Variants in IDE observed in about 807,000 individuals in gnomAD.
IDE encodes insulin-degrading enzyme.
In IDE, 58 loss-of-function variants were observed where a neutral mutation model predicts 133.2. That is an observed-to-expected ratio of 0.44 (90% confidence interval 0.35 to 0.54). The LOEUF (loss-of-function observed/expected upper bound fraction) is 0.54. Ranked by LOEUF, IDE falls within the 20% of genes least tolerant of loss-of-function variation. The pLI is 0.00. For missense variants in IDE, 981 were observed against 1,234.0 expected (o/e 0.79, Z 3.07); for synonymous variants, 396 against 421.3 (o/e 0.94, Z 0.73).
intron 1 of IDE, among the ~76,000 whole-genome samples, chr10:92,572,510 ACT>A (rs996634766): frequency 1.3e-5 from 2 of 151,748 alleles, no homozygotes; most frequent in African/African-American, 4.8e-5. Flanking sequence ...CTGCCTTAGG[ACT>A]CTCTCCACTT....
At chr10:92,488,650 A>C (rs1299839131) in intron 12 of IDE, among the ~76,000 whole-genome samples, 3 of 151,884 alleles carry the variant, frequency 2.0e-5, no homozygotes, top group Non-Finnish European at 4.4e-5. Flanking sequence ...GGTGGTGTGC[A>C]CCTGTAATCT....
At chr10:92,519,431 G>C (rs1849098723) in intron 4 of IDE, among the ~76,000 whole-genome samples, 1 of 152,160 alleles carries the variant, frequency 6.6e-6, no homozygotes, top group East Asian at 1.9e-4. Context: ...GTTGCATCCA[G>C]GTGAGCTCCA....
At chr10:92,561,325 T>C (rs1216370951) in intron 1 of IDE, among the ~76,000 whole-genome samples, 2 of 152,122 alleles carry the variant, frequency 1.3e-5, no homozygotes, top group Non-Finnish European at 1.5e-5. Context: ...CTGTCTAAAG[T>C]AGACTTCCTA....
At chr10:92,515,088 G>C in intron 4 of IDE, 46 bp from the exon 5 acceptor site, 1 of 1,498,352 alleles carries the variant, frequency 6.7e-7, no homozygotes, top group Non-Finnish European at 9.1e-7. Flanking sequence ...AAAATATGTG[G>C]ACTTTTAAAG....
intron 4 of IDE, among the ~76,000 whole-genome samples, chr10:92,521,888 T>C (rs11187042): frequency 0.073 from 11,040 of 152,110 alleles, 1,341 homozygotes; most frequent in African/African-American, 0.25. Flanking sequence ...TGCTATGTTT[T>C]AGAGATATAT....
intron 11 of IDE, among the ~76,000 whole-genome samples, chr10:92,491,240 TAAA>T (rs879942324): frequency 7.2e-6 from 1 of 139,062 alleles, no homozygotes; most frequent in African/African-American, 2.6e-5. Context: ...CTTGTCTCTT[TAAA>T]AAAAAAAAAA....
chr10:92,481,014 AAAATCT>A, intron 14 of IDE: 1 of 426,140 alleles, frequency 2.3e-6, no homozygotes, highest in Non-Finnish European at 3.1e-6. Flanking sequence ...CTCCAACTGG[AAAATCT>A]GAATAAATGT....
rs1844860584 is a variant in IDE, at chr10:92,453,982, T to C, written c.*462A>G. The C allele has an allele frequency of 6.5e-6, 1 of 152,930 alleles. No homozygotes were observed. Among genetic ancestry groups the C allele is most frequent in the Admixed American group, 6.5e-5 (1 of 15,406 alleles). 9.5% of individuals were successfully genotyped at this position (152,930 alleles called of 1,614,324 possible). On this transcript the variant is annotated 3_prime_UTR_variant, in exon 25 of 25. Coordinates refer to ENST00000265986, the MANE Select transcript of IDE (RefSeq NM_004969.4). ...CCAAATGTAATGTTTTCCACTGATTTACATGAAACCATCAAGTAGAAAGCA... is the reference window on the plus strand; with the variant it reads ...CCAAATGTAATGTTTTCCACTGATTCACATGAAACCATCAAGTAGAAAGCA...
chr10:92,514,814 G>A, intron 5 of IDE, 106 bp downstream of exon 5: 3 of 834,120 alleles, frequency 3.6e-6, no homozygotes, highest in South Asian at 2.4e-5. Context: ...AAAAGATGCT[G>A]AGCAAATAAG....
In IDE at chr10:92,498,659, A is replaced by C. The variant is rs532952104; in HGVS notation, c.1430+6135T>G. Among the ~76,000 whole-genome samples, 14 of 152,328 alleles carry C rather than the reference A, an allele frequency of 9.2e-5. No individual in the cohort carries two copies. In the East Asian group the frequency reaches 1.5e-3, roughly 17 times the overall value. On this transcript the variant is annotated intron_variant, in intron 11 of 24. Transcript: ENST00000265986. ...GTAATCCCAGCTACTCGGGAGGCTGAGGCAGGAGAATTGTCTGAACCCGGG... is the reference window on the plus strand; with the variant it reads ...GTAATCCCAGCTACTCGGGAGGCTGCGGCAGGAGAATTGTCTGAACCCGGG...
chr10:92,515,183 T>C (rs1848836972), intron 4 of IDE, 141 bp from the exon 5 acceptor site: 1 of 656,866 alleles, frequency 1.5e-6, no homozygotes, highest in South Asian at 2.2e-5. Flanking sequence ...TATTTGAATG[T>C]TAAGTGAATA....
intron 1 of IDE, chr10:92,572,969 TC>T: frequency 1.0e-6 from 1 of 985,306 alleles, no homozygotes; most frequent in South Asian, 4.7e-5. Context: ...AAGTCAAAGT[TC>T]CTTGGAAGGC....
At chr10:92,555,327 A>G (rs936083225) in intron 1 of IDE, among the ~76,000 whole-genome samples, 3 of 151,980 alleles carry the variant, frequency 2.0e-5, no homozygotes, top group Admixed American at 6.6e-5. Flanking sequence ...GTGAAATCCC[A>G]TCTCTACTAA....
chr10:92,518,255 C>G (rs1006055616), intron 4 of IDE, among the ~76,000 whole-genome samples: 7 of 152,136 alleles, frequency 4.6e-5, no homozygotes, highest in African/African-American at 1.7e-4. Flanking sequence ...ACCTCCACCT[C>G]CAAGATTCAA....
At position 92,514,883 on chromosome 10, in the gene IDE, A is replaced by G. The variant is rs1321758106; in HGVS notation, c.784+37T>C. 3.2e-6 allele frequency: 5 copies of G among 1,568,110 alleles called. No homozygotes were observed. The African/African-American group carries it at 6.8e-5, about 21-fold the overall frequency. On this transcript the variant is annotated intron_variant, in intron 5 of 24. Coordinates refer to ENST00000265986, the MANE Select transcript of IDE (RefSeq NM_004969.4). Reference sequence around the variant, plus strand: ...GAAAAAGCCAACATTAAAAACTTATATTATCCAATTCTATAAAAAATTGTA... The same window carrying G: ...GAAAAAGCCAACATTAAAAACTTATGTTATCCAATTCTATAAAAAATTGTA...
intron 3 of IDE, among the ~76,000 whole-genome samples, chr10:92,533,977 T>C (rs1237226297): frequency 1.3e-5 from 2 of 151,352 alleles, no homozygotes; most frequent in Admixed American, 6.6e-5. Flanking sequence ...GAGCCAAGAC[T>C]GCACCATTGC....
rs1271400677 is a variant in IDE, at chr10:92,468,868, T to C, written c.2320+11A>G. The C allele has an allele frequency of 2.8e-6, 4 of 1,420,816 alleles. No homozygotes were observed. Among genetic ancestry groups the C allele is most frequent in the African/African-American group, 1.4e-5 (1 of 71,240 alleles). 88.0% of individuals were successfully genotyped at this position (1,420,816 alleles called of 1,614,324 possible). On this transcript the variant is annotated intron_variant, in intron 19 of 24. Coordinates refer to ENST00000265986, the MANE Select transcript of IDE (RefSeq NM_004969.4). ...ATAGTCCATTCCCAAAGTTACAACA[T>C]CTCTACTTACTGTCAGGGAGCTGAA...
At position 92,465,768 on chromosome 10, in the gene IDE, A is replaced by C; in HGVS notation, c.2396T>G (p.Met799Arg). 1 of 1,613,868 alleles carries C rather than the reference A, an allele frequency of 6.2e-7. No individual in the cohort carries two copies. Among genetic ancestry groups the C allele is most frequent in the Non-Finnish European group, 8.5e-7 (1 of 1,179,764 alleles). The change falls in exon 20 of 25, where the codon ATG becomes AGG. Residue 799 changes from methionine (M) to arginine (R), a missense_variant. Coordinates refer to ENST00000265986, the MANE Select transcript of IDE (RefSeq NM_004969.4). ...CGIEIYYQTD[M>R]QSTSENMFLE... ...AAACATATTCTCTGAGGTGCTTTGC[A>C]TGTCTGTTTGGTAGTATATCTCGAT...
At position 92,507,995 on chromosome 10, in the gene IDE, T is replaced by C. The variant is rs1413339715; in HGVS notation, c.1153+118A>G. On this transcript the variant is annotated intron_variant, in intron 8 of 24. Coordinates refer to ENST00000265986, the MANE Select transcript of IDE (RefSeq NM_004969.4). ...CATATGAAAAATACAATGGATAAGT[T>C]GTATGAATTAAAGTGTTGTAGCTTT... 6.7e-6 allele frequency: 5 copies of C among 749,220 alleles called. No homozygotes were observed. In the African/African-American group the frequency reaches 8.8e-5, roughly 13 times the overall value. 46.4% of individuals were successfully genotyped at this position (749,220 alleles called of 1,614,324 possible).
Sources: gnomAD v4.1 joint callset for allele counts (sites outside exome capture counted in the v4.1 genomes callset) on GRCh38, gnomAD v4.1.1 for gene constraint, MANE v1.5 for transcripts, NCBI Gene and HGNC (gene_info 2026-07-23, HGNC 2026-07-21) for gene names.